Variants in OPRM1 observed in about 807,000 individuals in gnomAD.
OPRM1 encodes opioid receptor mu 1.
A neutral mutation model predicts 31.8 loss-of-function variants in OPRM1; 27 were observed. The observed-to-expected ratio is 0.85, with a 90% CI of 0.63 to 1.17. The LOEUF is 1.17. OPRM1 is among the 50% of genes most tolerant of loss of function. The probability of loss-of-function intolerance (pLI) is 0.00; values close to 1 mark genes in which losing one functional copy is unlikely to be tolerated. For synonymous variants in OPRM1, 196 were observed against 189.9 expected, an observed-to-expected ratio of 1.03 and a Z score of -0.26; for missense variants, 536 against 511.1, an observed-to-expected ratio of 1.05 and a Z score of -0.47.
chr6:154,080,122 G>C (rs1239077861), intron 1 of OPRM1, among the ~76,000 whole-genome samples: 1 of 152,070 alleles, frequency 6.6e-6, no homozygotes, highest in East Asian at 1.9e-4. Flanking sequence ...TCATTTAAAT[G>C]TTTAAGATTG....
chr6:154,109,180 A>G (rs1796035992), intron 3 of OPRM1, among the ~76,000 whole-genome samples: 1 of 152,232 alleles, frequency 6.6e-6, no homozygotes. Flanking sequence ...ATAATTGCTC[A>G]TGATTACCCT....
intron 1 of OPRM1, among the ~76,000 whole-genome samples, chr6:154,031,408 T>C (rs957743406): frequency 3.3e-5 from 5 of 152,156 alleles, no homozygotes; most frequent in Non-Finnish European, 4.4e-5. Context: ...CAGTCTATAA[T>C]GTCAACAGAA....
chr6:154,093,966 T>C (rs977733363), intron 3 of OPRM1, among the ~76,000 whole-genome samples: 2 of 152,228 alleles, frequency 1.3e-5, no homozygotes, highest in Non-Finnish European at 2.9e-5. Flanking sequence ...ATAGGACATG[T>C]TAAGTTAGTT....
chr6:154,118,301 G>A (rs374524958), intron 3 of OPRM1, among the ~76,000 whole-genome samples: 30 of 152,114 alleles, frequency 2.0e-4, no homozygotes, highest in Non-Finnish European at 3.5e-4. Flanking sequence ...AAAAAACATC[G>A]TTTTTCTTTC....
At chr6:154,153,422 G>A (rs1157987073) in intron 3 of OPRM1, among the ~76,000 whole-genome samples, 1 of 152,168 alleles carries the variant, frequency 6.6e-6, no homozygotes, top group African/African-American at 2.4e-5. Flanking sequence ...GGTGGCTTAC[G>A]CCTGTAATCC....
In OPRM1 at chr6:154,019,084, G is replaced by A. The variant is rs115235763; in HGVS notation, c.-1+8066G>A. The stretch of plus-strand genomic sequence containing the variant: ...TGCCAAATCGAGCACCCAACCTCTC[G>A]CGCATTTATTTTTGTGTTACAAACA... On this transcript the variant is annotated intron_variant, in intron 1 of 5. Transcript: ENST00000434900. Among the ~76,000 whole-genome samples, 582 of 151,216 alleles carry A rather than the reference G, an allele frequency of 3.8e-3. 6 individuals carry two copies. The highest frequency in any genetic ancestry group is 0.013 in the African/African-American group (540 of 41,104).
chr6:154,245,997 C>A (rs1411146736), intron 3 of OPRM1, among the ~76,000 whole-genome samples: 1 of 152,174 alleles, frequency 6.6e-6, no homozygotes, highest in African/African-American at 2.4e-5. Context: ...GTTGTCTAAG[C>A]ACGACTAGTT....
At chr6:154,152,711 C>T (rs990784313) in intron 3 of OPRM1, among the ~76,000 whole-genome samples, 3 of 152,132 alleles carry the variant, frequency 2.0e-5, no homozygotes, top group Non-Finnish European at 2.9e-5. Context: ...CCTGTGCACA[C>T]ATAATTTTTA....
intron 3 of OPRM1, among the ~76,000 whole-genome samples, chr6:154,231,582 G>A (rs900865142): frequency 1.3e-5 from 2 of 152,212 alleles, no homozygotes; most frequent in Admixed American, 6.5e-5. Flanking sequence ...CAATCTCTAG[G>A]ACATAGTGAG....
chr6:154,153,684 C>CAAA (rs35352448), intron 3 of OPRM1, among the ~76,000 whole-genome samples: 6 of 89,482 alleles, frequency 6.7e-5, no homozygotes, highest in Admixed American at 2.5e-4. Context: ...AACTCTATCT[C>CAAA]AAAAAAAAAA....
intron 1 of OPRM1, 143 bp downstream of exon 1, chr6:154,039,977 C>G (rs1180947002): frequency 3.3e-6 from 2 of 602,300 alleles, no homozygotes; most frequent in Non-Finnish European, 5.4e-6. Flanking sequence ...AGACCACGGA[C>G]AGTGATTGTT....
chr6:154,094,262 C>T (rs1353626903), intron 3 of OPRM1: 7 of 1,268,318 alleles, frequency 5.5e-6, no homozygotes, highest in Non-Finnish European at 7.2e-6. Context: ...TGACAACTGT[C>T]CACTGAGGCA....
chr6:154,014,228 G>A (rs1466099013), intron 1 of OPRM1, among the ~76,000 whole-genome samples: 5 of 152,182 alleles, frequency 3.3e-5, no homozygotes, highest in African/African-American at 9.7e-5. Flanking sequence ...AAGTGTGGTA[G>A]AAATGGTCAC....
Position 154,039,461 on chromosome 6 carries a change from G to A in OPRM1, c.-84G>A. On this transcript the variant is annotated 5_prime_UTR_variant, in exon 1 of 4. Coordinates refer to ENST00000330432, the MANE Select transcript of OPRM1 (RefSeq NM_000914.5). ...GCAGGAGCTGTGGCAGCGGCGAAAG[G>A]AAGCGGCTGAGGCGCTTGGAACCCG... 2 of 1,553,152 alleles carry A rather than the reference G, an allele frequency of 1.3e-6. No individual in the cohort carries two copies. Among genetic ancestry groups the A allele is most frequent in the African/African-American group, 1.4e-5 (1 of 73,272 alleles).
intron 1 of OPRM1, among the ~76,000 whole-genome samples, chr6:154,041,402 G>T (rs181665351): frequency 6.6e-6 from 1 of 152,206 alleles, no homozygotes; most frequent in East Asian, 1.9e-4. Context: ...GTTTAATTTT[G>T]CAGTTATGAC....
intron 3 of OPRM1, chr6:154,107,875 A>G: frequency 1.5e-6 from 1 of 684,744 alleles, no homozygotes; most frequent in Non-Finnish European, 2.7e-6. Flanking sequence ...TCATAACACA[A>G]AATACACCAG....
At chr6:154,049,408 C>A (rs1781782246) in intron 1 of OPRM1, among the ~76,000 whole-genome samples, 1 of 152,136 alleles carries the variant, frequency 6.6e-6, no homozygotes, top group African/African-American at 2.4e-5. Context: ...TTGACCTTAC[C>A]TGGGAACCTG....
At chr6:154,143,551 T>C (rs996632819) in intron 3 of OPRM1, among the ~76,000 whole-genome samples, 1 of 152,208 alleles carries the variant, frequency 6.6e-6, no homozygotes, top group Non-Finnish European at 1.5e-5. Context: ...CATAAACTAC[T>C]GGGAAAGGAG....
intron 3 of OPRM1, among the ~76,000 whole-genome samples, chr6:154,218,235 A>G (rs1419482477): frequency 6.6e-6 from 1 of 152,136 alleles, no homozygotes; most frequent in Non-Finnish European, 1.5e-5. Context: ...TGTGTGTTGG[A>G]GGAGAACAAG....
Sources: allele counts gnomAD v4.1 joint callset (sites outside exome capture counted in the v4.1 genomes callset), GRCh38; gene constraint gnomAD v4.1.1; transcripts MANE v1.5; gene names NCBI Gene and HGNC (gene_info 2026-07-23, HGNC 2026-07-21).